Variants in SHANK2 observed in about 807,000 individuals in gnomAD.
The protein encoded by SHANK2 is SH3 and multiple ankyrin repeat domains 2, also known as SH3 and multiple ankyrin repeat domains protein 2.
Under a neutral mutation model 133.7 loss-of-function variants are expected in SHANK2, and 43 were observed. The ratio of observed to expected loss-of-function variants is 0.32; its 90% CI spans 0.25 to 0.41. The LOEUF (loss-of-function observed/expected upper bound fraction) is 0.41. Ranked by LOEUF, SHANK2 falls within the 10% of genes least tolerant of loss-of-function variation. The pLI, the probability that SHANK2 is intolerant of heterozygous loss-of-function variation, is 1.00. For missense variants in SHANK2, 1,994 were observed against 2,235.8 expected (o/e 0.89, Z 2.18); for synonymous variants, 1,017 against 952.8 (o/e 1.07, Z -1.24).
At chr11:71,235,059 A>G (rs1367891719) in intron 1 of SHANK2, among the ~76,000 whole-genome samples, 1 of 152,184 alleles carries the variant, frequency 6.6e-6, no homozygotes, top group East Asian at 1.9e-4. Context: ...TGGGATAAGA[A>G]ATACACTGGG....
rs886525909 is a variant in SHANK2, at chr11:71,100,247, A to G, written c.593-5559T>C. Among the ~76,000 whole-genome samples the G allele has an allele frequency of 1.2e-4, 18 of 152,320 alleles. 1 individual carries two copies. In the East Asian group the frequency reaches 3.5e-3, roughly 29 times the overall value. On this transcript the variant is annotated intron_variant, in intron 6 of 25. Coordinates refer to ENST00000601538, the MANE Select transcript of SHANK2 (RefSeq NM_012309.5). ...TAAAAACGCACTTACTCCACAATCCAGCAACCCAGCTCCTAGGTGTCTCCC... is the reference window on the plus strand; with the variant it reads ...TAAAAACGCACTTACTCCACAATCCGGCAACCCAGCTCCTAGGTGTCTCCC...
intron 2 of SHANK2, among the ~76,000 whole-genome samples, chr11:71,215,412 C>G (rs1417007992): frequency 6.6e-6 from 1 of 152,200 alleles, no homozygotes; most frequent in Non-Finnish European, 1.5e-5. Flanking sequence ...CAGGTTCTGC[C>G]CTGGTCACCC....
At chr11:70,833,104 G>A (rs782239556) in intron 11 of SHANK2, among the ~76,000 whole-genome samples, 12 of 152,246 alleles carry the variant, frequency 7.9e-5, no homozygotes, top group Admixed American at 2.0e-4. Context: ...TTTCGAGTTC[G>A]AGCCCATCAG....
intron 14 of SHANK2, among the ~76,000 whole-genome samples, chr11:70,761,868 C>T (rs1947004806): frequency 6.6e-6 from 1 of 152,240 alleles, no homozygotes; most frequent in South Asian, 2.1e-4. Flanking sequence ...AAGCATAGAA[C>T]TTCAGATTCC....
chr11:70,554,002 C>T (rs571771601), intron 17 of SHANK2, among the ~76,000 whole-genome samples: 16 of 152,318 alleles, frequency 1.1e-4, no homozygotes, highest in African/African-American at 3.1e-4. Context: ...AAAGAGAACT[C>T]GAAATGGCCT....
Position 71,163,093 on chromosome 11 carries a change from A to AAAAAATATAT in SHANK2, c.-12-15756_-12-15755insATATATTTTT. ...GTCTAAAAAAAAAAAAAAAAAAAAA[A>AAAAAATATAT]ATACATATATATATATATACAGAAT... On this transcript the variant is annotated intron_variant, in intron 2 of 25. Transcript: ENST00000601538. 4.7e-5 allele frequency among the ~76,000 whole-genome samples: 4 copies of AAAAAATATAT among 84,670 alleles called. 1 individual carries two copies. The highest frequency in any genetic ancestry group is 1.8e-4 in the African/African-American group (4 of 21,744). 55.5% of individuals were successfully genotyped at this position (84,670 alleles called of 152,430 possible).
At chr11:70,752,705 C>A (rs1158042929) in intron 14 of SHANK2, among the ~76,000 whole-genome samples, 401 of 103,672 alleles carry the variant, frequency 3.9e-3, no homozygotes, top group South Asian at 6.0e-3. Flanking sequence ...GACTCCGTCT[C>A]AAAAAAAAAA....
chr11:70,510,096 G>A (rs955366375), intron 17 of SHANK2, among the ~76,000 whole-genome samples: 1 of 152,132 alleles, frequency 6.6e-6, no homozygotes, highest in Admixed American at 6.5e-5. Context: ...GCCAGCAGGT[G>A]ACCCAGGAGT....
At chr11:70,670,337 C>G (rs1288603791) in intron 15 of SHANK2, among the ~76,000 whole-genome samples, 4 of 152,228 alleles carry the variant, frequency 2.6e-5, no homozygotes, top group African/African-American at 9.6e-5. Context: ...CCGGGCTCTG[C>G]CAATCAGGAA....
intron 17 of SHANK2, among the ~76,000 whole-genome samples, chr11:70,596,307 CT>C (rs2060399412): frequency 6.6e-6 from 1 of 151,772 alleles, no homozygotes; most frequent in Non-Finnish European, 1.5e-5. Flanking sequence ...ACAGGCAGAC[CT>C]GGCGCCTGGG....
chr11:71,113,210 G>A (rs1951918573), intron 5 of SHANK2, 83 bp downstream of exon 5: 4 of 1,242,014 alleles, frequency 3.2e-6, no homozygotes, highest in African/African-American at 1.5e-5. Context: ...CCCTGGAAGA[G>A]GAGCGTCTAA....
chr11:70,678,947 C>T (rs1362334007), intron 15 of SHANK2, among the ~76,000 whole-genome samples: 2 of 152,192 alleles, frequency 1.3e-5, no homozygotes, highest in African/African-American at 2.4e-5. Context: ...CCAGATATCC[C>T]CAGGTTACCT....
At chr11:71,062,356 A>G (rs889892468) in intron 9 of SHANK2, among the ~76,000 whole-genome samples, 1 of 152,236 alleles carries the variant, frequency 6.6e-6, no homozygotes, top group Non-Finnish European at 1.5e-5. Context: ...CGGAGAGACC[A>G]CAGGGCCAGG....
chr11:70,799,709 C>T (rs1370292951), intron 13 of SHANK2, among the ~76,000 whole-genome samples: 1 of 152,122 alleles, frequency 6.6e-6, no homozygotes, highest in Admixed American at 6.5e-5. Context: ...TCCTGGGGAC[C>T]ACGCACATCA....
intron 9 of SHANK2, among the ~76,000 whole-genome samples, chr11:71,065,694 A>AG (rs1951044472): frequency 7.8e-6 from 1 of 128,170 alleles, no homozygotes; most frequent in South Asian, 2.9e-4. Flanking sequence ...GAACTCTTCC[A>AG]GGGAGATGAA....
At chr11:71,138,614 C>T (rs530166583) in intron 3 of SHANK2, among the ~76,000 whole-genome samples, 125 of 151,474 alleles carry the variant, frequency 8.3e-4, no homozygotes, top group African/African-American at 3.0e-3. Context: ...CCCAGGAGTT[C>T]GAAACCTCTC....
At chr11:70,608,211 G>A (rs10899239) in intron 17 of SHANK2, among the ~76,000 whole-genome samples, 33,536 of 152,108 alleles carry the variant, frequency 0.22, 4,093 homozygotes, top group South Asian at 0.36. Context: ...GAGCTCAAGC[G>A]ATCTCCCTGC....
At chr11:70,578,768 C>G (rs1349667637) in intron 17 of SHANK2, among the ~76,000 whole-genome samples, 1 of 152,168 alleles carries the variant, frequency 6.6e-6, no homozygotes, top group Non-Finnish European at 1.5e-5. Flanking sequence ...CAGAGATAAC[C>G]AAGAGATTGG....
intron 15 of SHANK2, among the ~76,000 whole-genome samples, chr11:70,692,775 C>T (rs1028577349): frequency 2.6e-5 from 4 of 152,116 alleles, no homozygotes; most frequent in Admixed American, 1.3e-4. Flanking sequence ...CTGTGAGGCT[C>T]GAAAGCCATG....
Sources: allele counts gnomAD v4.1 joint callset (sites outside exome capture counted in the v4.1 genomes callset), GRCh38; gene constraint gnomAD v4.1.1; transcripts MANE v1.5; gene names NCBI Gene and HGNC (gene_info 2026-07-23, HGNC 2026-07-21).